Variants in PDE1C observed in about 807,000 individuals in gnomAD.
PDE1C encodes the protein dual specificity calcium/calmodulin-dependent 3',5'-cyclic nucleotide phosphodiesterase 1C.
In PDE1C, 62 loss-of-function variants were observed where a neutral mutation model predicts 93.1. That is an observed-to-expected ratio of 0.67 (90% CI 0.54 to 0.82). The LOEUF is 0.82. Among genes scored for constraint, PDE1C ranks in the 40% least tolerant of loss-of-function variants. The pLI, the probability that PDE1C is intolerant of heterozygous loss-of-function variation, is 0.00. For synonymous variants in PDE1C, 325 were observed against 310.1 expected (o/e 1.05, Z -0.50); for missense variants, 742 against 884.6 (o/e 0.84, Z 2.04).
At chr7:32,392,302 T>A (rs1262063269) in intron 1 of PDE1C, among the ~76,000 whole-genome samples, 1 of 152,200 alleles carries the variant, frequency 6.6e-6, no homozygotes. Flanking sequence ...ATAGTAGAGA[T>A]CTTCCCAGAA....
intron 1 of PDE1C, among the ~76,000 whole-genome samples, chr7:32,415,725 G>C (rs564014356): frequency 6.6e-6 from 1 of 151,876 alleles, no homozygotes; most frequent in South Asian, 2.1e-4. Flanking sequence ...GGAACAAAGC[G>C]CTACGTCCTT....
chr7:31,950,602 C>G (rs1807235064), intron 2 of PDE1C, among the ~76,000 whole-genome samples: 1 of 152,142 alleles, frequency 6.6e-6, no homozygotes, highest in Admixed American at 6.5e-5. Context: ...ACTCCACTTC[C>G]TTTCTCTTAG....
intron 1 of PDE1C, among the ~76,000 whole-genome samples, chr7:32,258,016 C>T (rs922969202): frequency 6.6e-6 from 1 of 152,220 alleles, no homozygotes; most frequent in Admixed American, 6.5e-5. Context: ...GCCAAACAGG[C>T]CAATTCAAAG....
intron 1 of PDE1C, among the ~76,000 whole-genome samples, chr7:32,214,228 T>C (rs751030789): frequency 6.6e-6 from 1 of 152,006 alleles, no homozygotes; most frequent in African/African-American, 2.4e-5. Flanking sequence ...TATATATATA[T>C]ATAAAATATG....
chr7:32,260,620 G>A (rs2128880284), intron 1 of PDE1C, among the ~76,000 whole-genome samples: 1 of 152,330 alleles, frequency 6.6e-6, no homozygotes, highest in African/African-American at 2.4e-5. Context: ...TTATGACAGT[G>A]AAAGAAATCA....
intron 16 of PDE1C, among the ~76,000 whole-genome samples, chr7:31,801,118 G>A (rs1172530384): frequency 6.7e-6 from 1 of 150,194 alleles, no homozygotes; most frequent in African/African-American, 2.4e-5. Flanking sequence ...CCAATAGCAA[G>A]CAGAAGAAAG....
rs190995430 is a variant in PDE1C at position 31,818,808 on chromosome 7, A to C, written c.1583-2654T>G. The stretch of plus-strand genomic sequence containing the variant: ...AGAATCCCCACTGAATCCATGGCAA[A>C]TTTTCAATATTCAAAATAACCCCAA... On this transcript the variant is annotated intron_variant, in intron 14 of 17. Transcript: ENST00000396191. 9.9e-5 allele frequency among the ~76,000 whole-genome samples: 15 copies of C among 152,260 alleles called. No individual in the cohort carries two copies. The East Asian group carries it at 2.9e-3, about 29-fold the overall frequency.
intron 16 of PDE1C, chr7:31,787,260 G>C (rs1462704057): frequency 4.6e-5 from 7 of 152,158 alleles, no homozygotes; most frequent in East Asian, 1.9e-4. Context: ...TACTGTTTAA[G>C]TGTATCAGAT....
At chr7:31,875,820 T>TATATATATATATATATAC (rs1554387782) in intron 5 of PDE1C, among the ~76,000 whole-genome samples, 28 of 87,176 alleles carry the variant, frequency 3.2e-4, no homozygotes, top group African/African-American at 1.3e-3. Flanking sequence ...TATATATATA[T>TATATATATATATATATAC]ATATATATAT....
the PDE1C span, among the ~76,000 whole-genome samples, chr7:31,676,393 T>C: frequency 2.0e-5 from 3 of 152,052 alleles, no homozygotes; most frequent in African/African-American, 7.2e-5. Flanking sequence ...GAAATAAAAT[T>C]AGCAATGAAT....
intron 16 of PDE1C, among the ~76,000 whole-genome samples, chr7:31,799,871 T>C (rs1336533455): frequency 4.6e-5 from 7 of 151,866 alleles, no homozygotes; most frequent in Non-Finnish European, 8.9e-5. Flanking sequence ...AATTTCCTCA[T>C]TGAGAAAACA....
intron 1 of PDE1C, among the ~76,000 whole-genome samples, chr7:32,336,927 A>G (rs1783637123): frequency 6.6e-6 from 1 of 152,196 alleles, no homozygotes; most frequent in African/African-American, 2.4e-5. Flanking sequence ...TGATTTAACA[A>G]GTCCCTAGCC....
At chr7:31,998,174 T>C (rs1168388943) in intron 2 of PDE1C, among the ~76,000 whole-genome samples, 11 of 151,996 alleles carry the variant, frequency 7.2e-5, no homozygotes, top group South Asian at 2.1e-4. Flanking sequence ...TGCCTGCCAC[T>C]ATGCCCAGCT....
the PDE1C span, among the ~76,000 whole-genome samples, chr7:31,631,351 CAA>C: frequency 6.6e-6 from 1 of 152,014 alleles, no homozygotes; most frequent in East Asian, 1.9e-4. Context: ...ATATGAAAAA[CAA>C]GATATAAAAT....
At chr7:31,879,272 G>T in intron 3 of PDE1C, 94 bp from the exon 4 acceptor site, 2 of 1,220,272 alleles carry the variant, frequency 1.6e-6, no homozygotes, top group Non-Finnish European at 2.3e-6. Flanking sequence ...TCACCTGCAT[G>T]TTAGGTGCAA....
intron 3 of PDE1C, among the ~76,000 whole-genome samples, chr7:32,156,876 T>C (rs1223552078): frequency 6.6e-6 from 1 of 152,208 alleles, no homozygotes; most frequent in African/African-American, 2.4e-5. Context: ...ACAGTTAAGG[T>C]ACCCATTGAT....
At chr7:32,386,135 A>G (rs1478987346) in intron 1 of PDE1C, among the ~76,000 whole-genome samples, 1 of 146,830 alleles carries the variant, frequency 6.8e-6, no homozygotes, top group Non-Finnish European at 1.5e-5. Flanking sequence ...TATATTTACA[A>G]ATTGTAAATG....
intron 1 of PDE1C, among the ~76,000 whole-genome samples, chr7:32,065,337 T>G (rs751209750): frequency 6.6e-6 from 1 of 152,206 alleles, no homozygotes; most frequent in Non-Finnish European, 1.5e-5. Flanking sequence ...AAAAGGTTTC[T>G]TTGCATTTTT....
intron 7 of PDE1C, among the ~76,000 whole-genome samples, chr7:31,851,894 G>C (rs1315398243): frequency 1.3e-5 from 2 of 152,146 alleles, no homozygotes; most frequent in Non-Finnish European, 2.9e-5. Flanking sequence ...CACTCAGTTT[G>C]CTTCATGCAC....
Sources: gnomAD v4.1 joint callset for allele counts (sites outside exome capture counted in the v4.1 genomes callset) on GRCh38, gnomAD v4.1.1 for gene constraint, MANE v1.5 for transcripts, NCBI Gene and HGNC (gene_info 2026-07-23, HGNC 2026-07-21) for gene names.